Variants in PPP4R1 observed in about 807,000 individuals in gnomAD.
The protein encoded by PPP4R1 is serine/threonine-protein phosphatase 4 regulatory subunit 1.
Under a neutral mutation model 111.2 loss-of-function variants are expected in PPP4R1, and 42 were observed. The ratio of observed to expected loss-of-function variants is 0.38; its 90% CI spans 0.29 to 0.49. PPP4R1 has a LOEUF of 0.49. Ranked by LOEUF, PPP4R1 falls within the 20% of genes least tolerant of loss-of-function variation. The probability of loss-of-function intolerance (pLI) is 0.97; values close to 1 mark genes in which losing one functional copy is unlikely to be tolerated. For synonymous variants in PPP4R1, 409 were observed against 405.5 expected, an observed-to-expected ratio of 1.01 and a Z score of -0.10; for missense variants, 1,012 against 1,161.6, an observed-to-expected ratio of 0.87 and a Z score of 1.87.
At position 9,614,540 on chromosome 18, in the gene PPP4R1, GC is replaced by G. The variant is rs927715290; in HGVS notation, c.-57del. The G allele has an allele frequency of 1.0e-5, 10 of 1,000,762 alleles. No homozygotes were observed. Among genetic ancestry groups the G allele is most frequent in the Admixed American group, 6.1e-5 (1 of 16,432 alleles). 62.0% of individuals were successfully genotyped at this position (1,000,762 alleles called of 1,614,324 possible). On this transcript the variant is annotated 5_prime_UTR_variant, in exon 1 of 20. Coordinates refer to ENST00000400556, the MANE Select transcript of PPP4R1 (RefSeq NM_001042388.3). This position sits in a 1 kb window ranked among gnomAD's most constrained non-coding sequence, Gnocchi z 4.1. ...CGGGGAGCCGGGGCTACATGGAGCGGCGCGAGCCGGGGAGCCGGTGGACGCG... is the reference window on the plus strand; with the variant it reads ...CGGGGAGCCGGGGCTACATGGAGCGGGCGAGCCGGGGAGCCGGTGGACGCG...
rs148811682 is a variant in PPP4R1, at chr18:9,601,420, G to A, written c.53-6267C>T. ...ACGTGCCTGAAATTCCAGCTACTTG[G>A]GAGGCTGAATCACAAGAATCACTTG... is the stretch of plus-strand genomic sequence containing the variant. On this transcript the variant is annotated intron_variant, in intron 2 of 19. Coordinates refer to ENST00000400556, the MANE Select transcript of PPP4R1 (RefSeq NM_001042388.3). Among the ~76,000 whole-genome samples the A allele has an allele frequency of 4.0e-3, 601 of 152,068 alleles. 4 individuals carry two copies. Among genetic ancestry groups the A allele is most frequent in the Middle Eastern group, 6.8e-3 (2 of 294 alleles).
chr18:9,590,044 G>A (rs1387443039), intron 4 of PPP4R1: 1 of 152,090 alleles, frequency 6.6e-6, no homozygotes, highest in Non-Finnish European at 1.5e-5. Flanking sequence ...AAGAAAATAA[G>A]GATACAAGTA....
In PPP4R1 at chr18:9,553,371, A is replaced by G; in HGVS notation, c.2242T>C (p.Leu748=). The change falls in exon 16 of 20, where the codon TTG becomes CTG. Residue 748 remains leucine (L), a synonymous_variant. Coordinates refer to ENST00000400556, the MANE Select transcript of PPP4R1 (RefSeq NM_001042388.3). ...REYLYQLQEF[L]VTDNSRNWRF... ...CAATTTCTACTATTATCTGTCACCA[A>G]AAACTCCTGAAGTTGATAAAGATAT... 6.2e-7 allele frequency: 1 copy of G among 1,602,872 alleles called. No homozygotes were observed. The highest frequency in any genetic ancestry group is 8.5e-7 in the Non-Finnish European group (1 of 1,170,412).
At chr18:9,568,294 A>G (rs562183053) in intron 11 of PPP4R1, among the ~76,000 whole-genome samples, 206 of 152,256 alleles carry the variant, frequency 1.4e-3, no homozygotes, top group African/African-American at 4.8e-3. Flanking sequence ...CAGGTAGCTG[A>G]GATTACAGGT....
In PPP4R1 at chr18:9,593,981, G is replaced by C; in HGVS notation, c.189-107C>G. On this transcript the variant is annotated intron_variant, in intron 3 of 19. Coordinates refer to ENST00000400556, the MANE Select transcript of PPP4R1 (RefSeq NM_001042388.3). The stretch of plus-strand genomic sequence containing the variant: ...TCATTCCTGTTGCCCAGGCCGGAGT[G>C]TAATGGTGTGATCACGGCTAACTGC... 6.0e-6 allele frequency: 5 copies of C among 827,058 alleles called. No individual in the cohort carries two copies. The South Asian group carries it at 7.7e-5, about 13-fold the overall frequency. The allele number at this position is 827,058 out of a possible 1,614,324, so 51.2% of individuals were successfully genotyped here. A position where few individuals can be genotyped will look rare whatever the true frequency, so the allele number is the denominator to read the frequency against.
intron 2 of PPP4R1, among the ~76,000 whole-genome samples, chr18:9,605,566 C>CAAAAAAAAAAA (rs34208690): frequency 3.1e-4 from 21 of 67,626 alleles, no homozygotes; most frequent in South Asian, 1.0e-3. Context: ...GCAGTCCTGT[C>CAAAAAAAAAAA]AAAAAAAAAA....
rs534007514 is a variant in PPP4R1 at position 9,590,971 on chromosome 18, C to T, written c.296-2118G>A. 3.3e-5 allele frequency among the ~76,000 whole-genome samples: 5 copies of T among 152,172 alleles called. No homozygotes were observed. In the Middle Eastern group the frequency reaches 0.01, roughly 311 times the overall value. ...ATCTTTAATACACATAAATGACATA[C>T]GGCTCATATGCAGAATGAATTCCTG... is the stretch of plus-strand genomic sequence containing the variant. On this transcript the variant is annotated intron_variant, in intron 4 of 19. Coordinates refer to ENST00000400556, the MANE Select transcript of PPP4R1 (RefSeq NM_001042388.3).
rs759661170 is a variant in PPP4R1 at position 9,549,344 on chromosome 18, G to A, written c.2548-6C>T. 9 of 1,594,446 alleles carry A rather than the reference G, an allele frequency of 5.6e-6. No individual in the cohort carries two copies. Among genetic ancestry groups the A allele is most frequent in the Non-Finnish European group, 7.7e-6 (9 of 1,163,458 alleles). On this transcript the variant is annotated splice_region_variant and splice_polypyrimidine_tract_variant and intron_variant, in intron 18 of 19. Transcript: ENST00000400556. ...CAGTCATCCTCAATGACAGTCTGGG[G>A]AAGAGAAACAGCTGCTCTAGGCTTC... is the stretch of plus-strand genomic sequence containing the variant.
chr18:9,614,268 G>T lies in PPP4R1; in HGVS notation c.10C>A (p.Leu4Ile). ...TGCAGGTCCTCCTGAAGCAGCGAGAGGTCTGCGCCGAGGGGAGAGAAGAAA... is the reference window on the plus strand; with the variant it reads ...TGCAGGTCCTCCTGAAGCAGCGAGATGTCTGCGCCGAGGGGAGAGAAGAAA... MAD[L>I]SLLQEDLQED... Residue 4 changes from leucine to isoleucine, a missense_variant and splice_region_variant, in exon 2 of 20, where the codon CTC becomes ATC. Leu to Ile is a conservative substitution (Grantham distance 5). This residue lies in a region of PPP4R1 where 707 missense variants were observed against 742.1 expected (regional missense o/e 0.95). Transcript: ENST00000400556. This position sits in a 1 kb window ranked among gnomAD's most constrained non-coding sequence, Gnocchi z 4.1. 2 of 1,336,320 alleles carry T rather than the reference G, an allele frequency of 1.5e-6. 1 individual carries two copies. The highest frequency in any genetic ancestry group is 1.9e-6 in the Non-Finnish European group (2 of 1,030,744). 82.8% of individuals were successfully genotyped at this position (1,336,320 alleles called of 1,614,324 possible).
intron 9 of PPP4R1, among the ~76,000 whole-genome samples, chr18:9,581,223 T>C (rs1443894884): frequency 2.7e-5 from 4 of 150,862 alleles, no homozygotes; most frequent in Admixed American, 2.0e-4. Flanking sequence ...CAACAGAAAC[T>C]GATTGTGAGA....
intron 3 of PPP4R1, chr18:9,594,775 G>A: frequency 4.8e-6 from 2 of 415,628 alleles, no homozygotes; most frequent in South Asian, 3.9e-5. Context: ...ATGTCCAGTG[G>A]CAGAAAAGCA....
Position 9,577,188 on chromosome 18 carries a change from G to C in PPP4R1, c.922C>G (p.Arg308Gly). 22 of 1,602,332 alleles carry C rather than the reference G, an allele frequency of 1.4e-5. No individual in the cohort carries two copies. Among genetic ancestry groups the C allele is most frequent in the Non-Finnish European group, 1.9e-5 (22 of 1,176,188 alleles). The stretch of plus-strand genomic sequence containing the variant: ...CCCAGAGACTGAAAAGCTGCTTGGC[G>C]AACCTAGGAAGATAAAAAGGACAAT... Reference protein sequence around the residue: ...NLISDPSRWVRQAAFQSLGPF... With the variant: ...NLISDPSRWVGQAAFQSLGPF... The change falls in exon 10 of 20, where the codon CGC becomes GGC. Residue 308 changes from arginine (R) to glycine (G), a missense_variant. By Grantham distance (125) the Arg-to-Gly change is moderately radical. Transcript: ENST00000400556.
chr18:9,584,251 G>A (rs2067078740), intron 8 of PPP4R1, among the ~76,000 whole-genome samples: 1 of 152,150 alleles, frequency 6.6e-6, no homozygotes, highest in South Asian at 2.1e-4. Context: ...AATTGAATAA[G>A]TAAGAATTGA....
At chr18:9,554,589 C>T (rs895717597) in intron 15 of PPP4R1, among the ~76,000 whole-genome samples, 25 of 152,048 alleles carry the variant, frequency 1.6e-4, no homozygotes, top group South Asian at 4.1e-4. Flanking sequence ...CATCACACCT[C>T]CTAGCTACTA....
chr18:9,556,242 G>C (rs959110541), intron 15 of PPP4R1, among the ~76,000 whole-genome samples: 1 of 150,652 alleles, frequency 6.6e-6, no homozygotes, highest in Non-Finnish European at 1.5e-5. Flanking sequence ...CCCCCAGCTG[G>C]AGTGCAGTGG....
rs1297199170 is a variant in PPP4R1, at chr18:9,553,400, C to T, written c.2213G>A (p.Arg738Lys). 4 of 1,585,092 alleles carry T rather than the reference C, an allele frequency of 2.5e-6. No individual in the cohort carries two copies. Among genetic ancestry groups the T allele is most frequent in the Non-Finnish European group, 3.5e-6 (4 of 1,155,364 alleles). ...FLKLLHIDKR[R>K]EYLYQLQEFL... is the part of the protein sequence containing the mutation. Reference sequence around the variant, plus strand: ...CTCCTGAAGTTGATAAAGATATTCTCTTCTTTTGTCAATATGAAGAAGCTA... The same window carrying T: ...CTCCTGAAGTTGATAAAGATATTCTTTTCTTTTGTCAATATGAAGAAGCTA... Residue 738 changes from arginine (R) to lysine (K), a missense_variant, in exon 16 of 20, where the codon AGA becomes AAA. This residue lies in a region of PPP4R1 where 305 missense variants were observed against 419.5 expected (regional missense o/e 0.73). Transcript: ENST00000400556.
At chr18:9,583,357 A>C in intron 8 of PPP4R1, 82 bp from the exon 9 acceptor site, 1 of 1,287,896 alleles carries the variant, frequency 7.8e-7, no homozygotes, top group East Asian at 2.7e-5. Flanking sequence ...TTCTGCTTTC[A>C]CGCTTCTTTT....
rs12608310 is a variant in PPP4R1 at position 9,560,677 on chromosome 18, A to G, written c.1843-1073T>C. On this transcript the variant is annotated intron_variant, in intron 13 of 19. Transcript: ENST00000400556. Reference sequence around the variant, plus strand: ...GTTTCAAAACACTATTGTTTTGAATACTGATTTCATTTTTAGTAAATAAAG... The same window carrying G: ...GTTTCAAAACACTATTGTTTTGAATGCTGATTTCATTTTTAGTAAATAAAG... Among the ~76,000 whole-genome samples, 121 of 152,270 alleles carry G rather than the reference A, an allele frequency of 7.9e-4. 5 individuals are homozygous for G. In the East Asian group the frequency reaches 0.02, roughly 26 times the overall value.
Position 9,588,772 on chromosome 18 carries a change from T to C in PPP4R1, c.377A>G (p.Tyr126Cys), listed in dbSNP as rs2067162526. ...AGGTAGTAAGAATTTTGAAAAAGCA[T>C]ATGGTATTGAAGGCCGGTTTTCTTG... ...FCQENRPSIP[Y>C]AFSKFLLPIV... Residue 126 changes from tyrosine to cysteine, a missense_variant, in exon 5 of 20, where the codon TAT becomes TGT. Around this residue, in one of 2 missense-constraint regions of PPP4R1, gnomAD observed 707 missense variants for 742.1 expected, o/e 0.95. Coordinates refer to ENST00000400556, the MANE Select transcript of PPP4R1 (RefSeq NM_001042388.3). 1 of 1,613,834 alleles carries C rather than the reference T, an allele frequency of 6.2e-7. No individual in the cohort carries two copies. Among genetic ancestry groups the C allele is most frequent in the Non-Finnish European group, 8.5e-7 (1 of 1,179,850 alleles).
Sources: allele counts gnomAD v4.1 joint callset (sites outside exome capture counted in the v4.1 genomes callset), GRCh38; gene constraint gnomAD v4.1.1; regional missense constraint gnomAD v4.1.1; non-coding constraint Gnocchi (gnomAD v3.1); transcripts MANE v1.5; gene names NCBI Gene and HGNC (gene_info 2026-07-23, HGNC 2026-07-21).